Variants in AGPAT5 observed in about 807,000 individuals in gnomAD.
The protein encoded by AGPAT5 is 1-acylglycerol-3-phosphate O-acyltransferase 5, also known as 1-acyl-sn-glycerol-3-phosphate acyltransferase epsilon.
AGPAT5 carries 46 observed loss-of-function variants against 45.6 expected under a neutral mutation model. That is an observed-to-expected ratio of 1.01 (90% CI 0.80 to 1.29). The LOEUF is 1.29. Among genes scored for constraint, AGPAT5 ranks in the 50% most tolerant of loss-of-function variants. AGPAT5 has a pLI of 0.00. For synonymous variants in AGPAT5, 272 were observed against 167.0 expected (o/e 1.63, Z -4.85); for missense variants, 673 against 450.7 (o/e 1.49, Z -4.47).
intron 5 of AGPAT5, chr8:6,745,833 T>G (rs1801431256): frequency 6.6e-6 from 1 of 152,226 alleles, no homozygotes; most frequent in South Asian, 2.1e-4. Flanking sequence ...GGTTTCCACA[T>G]GCTTAGCTTC....
rs1338776263 is a variant in AGPAT5 at position 6,758,706 on chromosome 8, A to G, written c.*1318A>G. 2 of 152,664 alleles carry G rather than the reference A, an allele frequency of 1.3e-5. No homozygotes were observed. Among genetic ancestry groups the G allele is most frequent in the Non-Finnish European group, 2.9e-5 (2 of 68,030 alleles). The allele number at this position is 152,664 out of a possible 1,614,324, so 9.5% of individuals were successfully genotyped here. A position where few individuals can be genotyped will look rare whatever the true frequency, so the allele number is the denominator to read the frequency against. ...CGCCTTAGAGCAAGAGCTGTGTTCC[A>G]GGAACCAGATCACGATTTTTAGCCA... is the stretch of plus-strand genomic sequence containing the variant. On this transcript the variant is annotated 3_prime_UTR_variant, in exon 8 of 8. Transcript: ENST00000285518.
rs115493069 is a variant in AGPAT5, at chr8:6,722,687, G to A, written c.220-2183G>A. On this transcript the variant is annotated intron_variant, in intron 1 of 7. Coordinates refer to ENST00000285518, the MANE Select transcript of AGPAT5 (RefSeq NM_018361.5). Reference sequence around the variant, plus strand: ...GTGAAACTGGTCCGCATCTAATTCAGGCCTTCTCCTGAAAGCCAGTGTGTG... The same window carrying A: ...GTGAAACTGGTCCGCATCTAATTCAAGCCTTCTCCTGAAAGCCAGTGTGTG... 1.2e-4 allele frequency among the ~76,000 whole-genome samples: 19 copies of A among 152,300 alleles called. No individual in the cohort carries two copies. In the South Asian group the frequency reaches 3.9e-3, roughly 32 times the overall value.
At chr8:6,718,284 G>T (rs35733372) in intron 1 of AGPAT5, among the ~76,000 whole-genome samples, 2 of 152,200 alleles carry the variant, frequency 1.3e-5, no homozygotes, top group Non-Finnish European at 2.9e-5. Context: ...TGACGTGGTT[G>T]CTGTGGGTGG....
At chr8:6,737,914 C>G (rs1315475167) in intron 4 of AGPAT5, among the ~76,000 whole-genome samples, 2 of 152,202 alleles carry the variant, frequency 1.3e-5, no homozygotes, top group African/African-American at 4.8e-5. Flanking sequence ...CCTGCCACTT[C>G]TTTACCTCTC....
At chr8:6,723,000 AG>A (rs1438652103) in intron 1 of AGPAT5, among the ~76,000 whole-genome samples, 1 of 152,218 alleles carries the variant, frequency 6.6e-6, no homozygotes, top group African/African-American at 2.4e-5. Flanking sequence ...AATTATTTGC[AG>A]GGTACATTTG....
chr8:6,751,832 G>C (rs1341249915), intron 6 of AGPAT5, among the ~76,000 whole-genome samples: 1 of 152,068 alleles, frequency 6.6e-6, no homozygotes, highest in Non-Finnish European at 1.5e-5. Flanking sequence ...TTTTCTACCA[G>C]TATTTTCATA....
chr8:6,747,619 T>C, intron 5 of AGPAT5, 51 bp from the exon 6 acceptor site: 1 of 1,521,518 alleles, frequency 6.6e-7, no homozygotes. Flanking sequence ...AAACAGTATA[T>C]TGTGGAGGTG....
chr8:6,714,479 T>C (rs1376562761), intron 1 of AGPAT5, among the ~76,000 whole-genome samples: 2 of 152,250 alleles, frequency 1.3e-5, no homozygotes, highest in Non-Finnish European at 2.9e-5. Flanking sequence ...TTTATAAATA[T>C]AAACCTCTGT....
chr8:6,747,004 C>G (rs1252551833), intron 5 of AGPAT5, among the ~76,000 whole-genome samples: 4 of 152,182 alleles, frequency 2.6e-5, no homozygotes, highest in African/African-American at 9.7e-5. Flanking sequence ...CAGATATACC[C>G]AAGAGGATTG....
rs543572821 is a variant in AGPAT5 at position 6,743,919 on chromosome 8, A to G, written c.586+2168A>G. ...GATACCTAGAATTTCCATGTTATTC[A>G]TAGGGTGAATAACACTGGCGATTGT... On this transcript the variant is annotated intron_variant, in intron 5 of 7. Transcript: ENST00000285518. 7.2e-5 allele frequency among the ~76,000 whole-genome samples: 11 copies of G among 152,254 alleles called. 1 individual carries two copies. The highest frequency in any genetic ancestry group is 2.4e-4 in the African/African-American group (10 of 41,554).
At chr8:6,751,145 A>T (rs1316374919) in intron 6 of AGPAT5, among the ~76,000 whole-genome samples, 1 of 152,182 alleles carries the variant, frequency 6.6e-6, no homozygotes, top group African/African-American at 2.4e-5. Flanking sequence ...AGTCACTTTA[A>T]ATTATATGAC....
chr8:6,724,451 CAAATTT>C (rs1800614967), intron 1 of AGPAT5, among the ~76,000 whole-genome samples: 1 of 152,058 alleles, frequency 6.6e-6, no homozygotes, highest in Non-Finnish European at 1.5e-5. Flanking sequence ...AAAGAAAAAA[CAAATTT>C]AAAACCTTAA....
At position 6,757,220 on chromosome 8, in the gene AGPAT5, G is replaced by A. The variant is rs1186777239; in HGVS notation, c.927G>A (p.Gly309=). Residue 309 remains glycine, a synonymous_variant, in exon 8 of 8, where the codon GGG becomes GGA. Coordinates refer to ENST00000285518, the MANE Select transcript of AGPAT5 (RefSeq NM_018361.5). ...PDPERRKRFP[G]KSVNSKLSIK... is the part of the protein sequence containing the mutation. ...CAGAAAGAAGAAAAAGATTTCCTGGGAAAAGTGTTAATTCCAAATTAAGTA... is the reference window on the plus strand; with the variant it reads ...CAGAAAGAAGAAAAAGATTTCCTGGAAAAAGTGTTAATTCCAAATTAAGTA... The A allele has an allele frequency of 1.2e-6, 2 of 1,614,166 alleles. No individual in the cohort carries two copies. The highest frequency in any genetic ancestry group is 1.7e-6 in the Non-Finnish European group (2 of 1,180,030).
At chr8:6,747,542 A>C (rs1563304045) in intron 5 of AGPAT5, 128 bp from the exon 6 acceptor site, 1 of 864,100 alleles carries the variant, frequency 1.2e-6, no homozygotes, top group Non-Finnish European at 1.7e-6. Flanking sequence ...CCCTAAATAT[A>C]TGAGGTTGTG....
At chr8:6,741,147 C>CAT (rs1801233284) in intron 4 of AGPAT5, among the ~76,000 whole-genome samples, 1 of 151,998 alleles carries the variant, frequency 6.6e-6, no homozygotes, top group Non-Finnish European at 1.5e-5. Flanking sequence ...ACTAAAGGAG[C>CAT]TGTGTGAAAT....
intron 7 of AGPAT5, among the ~76,000 whole-genome samples, chr8:6,755,550 C>T (rs1285638586): frequency 6.6e-6 from 1 of 152,140 alleles, no homozygotes; most frequent in Non-Finnish European, 1.5e-5. Context: ...CCAGTGTGCG[C>T]AGAAAAGCAA....
chr8:6,752,013 C>T (rs149021514), intron 6 of AGPAT5, among the ~76,000 whole-genome samples: 3 of 151,692 alleles, frequency 2.0e-5, no homozygotes, highest in Non-Finnish European at 4.4e-5. Context: ...CCCATCTCTA[C>T]TAAAAATACA....
At chr8:6,741,564 A>G (rs1407626158) in intron 4 of AGPAT5, 97 bp from the exon 5 acceptor site, 1 of 767,398 alleles carries the variant, frequency 1.3e-6, no homozygotes, top group Non-Finnish European at 2.1e-6. Context: ...ACTGTAGGAA[A>G]TACTCTGTTA....
chr8:6,719,519 A>G (rs913017814), intron 1 of AGPAT5, among the ~76,000 whole-genome samples: 11 of 152,222 alleles, frequency 7.2e-5, no homozygotes. Flanking sequence ...GATTATGACC[A>G]TCTTCTGTTG....
Sources: allele counts gnomAD v4.1 joint callset (sites outside exome capture counted in the v4.1 genomes callset), GRCh38; gene constraint gnomAD v4.1.1; transcripts MANE v1.5; gene names NCBI Gene and HGNC (gene_info 2026-07-23, HGNC 2026-07-21).